Variants in TMEM178B observed in about 807,000 individuals in gnomAD.
The protein encoded by TMEM178B is transmembrane protein 178B.
Under a neutral mutation model 31.0 loss-of-function variants are expected in TMEM178B, and 5 were observed. That is an observed-to-expected ratio of 0.16 (90% CI 0.08 to 0.34). The LOEUF is 0.34. Ranked by LOEUF, TMEM178B falls within the 10% of genes least tolerant of loss-of-function variation. TMEM178B has a pLI of 1.00. For synonymous variants in TMEM178B, 164 were observed against 164.0 expected, an observed-to-expected ratio of 1.00 and a Z score of 0.00; for missense variants, 275 against 400.3, an observed-to-expected ratio of 0.69 and a Z score of 2.67.
intron 2 of TMEM178B, among the ~76,000 whole-genome samples, chr7:141,269,783 G>A (rs1040548733): frequency 3.3e-5 from 5 of 152,166 alleles, no homozygotes; most frequent in East Asian, 3.9e-4. Context: ...GTGACTTTGC[G>A]GCCAGGCAGG....
rs1586903910 is a variant in TMEM178B, at chr7:141,344,250, C to T, written c.497-93358C>T. Among the ~76,000 whole-genome samples the T allele has an allele frequency of 6.6e-6, 1 of 152,146 alleles. No homozygotes were observed. The highest frequency in any genetic ancestry group is 6.5e-5 in the Admixed American group (1 of 15,278). ...TCTATGCTATAAGGTTTTATGAGTC[C>T]CATTTTAAAGATCAGAACAGTGAGG... On this transcript the variant is annotated intron_variant, in intron 2 of 3. Coordinates refer to ENST00000565468, the MANE Select transcript of TMEM178B (RefSeq NM_001195278.2). This position sits in a 1 kb window ranked among gnomAD's most constrained non-coding sequence, Gnocchi z 4.1.
chr7:141,443,356 C>T lies in TMEM178B; in HGVS notation c.634+5611C>T, dbSNP rs571578812. On this transcript the variant is annotated intron_variant, in intron 3 of 3. Transcript: ENST00000565468. The stretch of plus-strand genomic sequence containing the variant: ...GATGCCCTTTTCTGTTCTAGGATCC[C>T]GTTCAGGACACCACACTGCACGTCA... Among the ~76,000 whole-genome samples the T allele has an allele frequency of 1.8e-4, 27 of 152,268 alleles. No individual in the cohort carries two copies. The South Asian group carries it at 4.1e-3, about 23-fold the overall frequency.
chr7:141,466,044 A>T (rs115666339), intron 3 of TMEM178B, among the ~76,000 whole-genome samples: 1 of 152,160 alleles, frequency 6.6e-6, no homozygotes, highest in Admixed American at 6.5e-5. Flanking sequence ...TATTAAAAAC[A>T]TATAAATCCT....
At chr7:141,242,408 A>G (rs1739766529) in intron 2 of TMEM178B, among the ~76,000 whole-genome samples, 1 of 151,622 alleles carries the variant, frequency 6.6e-6, no homozygotes. Flanking sequence ...CAAACAATAT[A>G]AACAGAGCAG....
chr7:141,307,991 C>T (rs1400408328), intron 2 of TMEM178B, among the ~76,000 whole-genome samples: 1 of 152,166 alleles, frequency 6.6e-6, no homozygotes, highest in Non-Finnish European at 1.5e-5. Context: ...AATAACTTGA[C>T]TTTGTAGAGC....
intron 1 of TMEM178B, among the ~76,000 whole-genome samples, chr7:141,109,089 A>G (rs755535107): frequency 1.3e-5 from 2 of 152,134 alleles, no homozygotes; most frequent in East Asian, 1.9e-4. Flanking sequence ...TGATTCAATT[A>G]TCTCCAACTG....
At chr7:141,164,468 G>A (rs888068035) in intron 1 of TMEM178B, among the ~76,000 whole-genome samples, 3 of 152,108 alleles carry the variant, frequency 2.0e-5, no homozygotes, top group Admixed American at 2.0e-4. Context: ...ACAGGACTTG[G>A]GTTTCTGTGT....
intron 2 of TMEM178B, among the ~76,000 whole-genome samples, chr7:141,284,678 G>C (rs1291325670): frequency 6.6e-6 from 1 of 152,142 alleles, no homozygotes; most frequent in African/African-American, 2.4e-5. Flanking sequence ...ATCTTAGGAT[G>C]GAACAATACA....
At chr7:141,253,793 C>A (rs1185603518) in intron 2 of TMEM178B, among the ~76,000 whole-genome samples, 1 of 151,838 alleles carries the variant, frequency 6.6e-6, no homozygotes, top group Non-Finnish European at 1.5e-5. Flanking sequence ...CTCAGGTGAT[C>A]CGCCTGCCTC....
intron 2 of TMEM178B, among the ~76,000 whole-genome samples, chr7:141,341,800 A>G (rs970433351): frequency 6.6e-6 from 1 of 152,072 alleles, no homozygotes; most frequent in Admixed American, 6.5e-5. Flanking sequence ...AAGCCCAGAA[A>G]TCTTCCCTGG....
intron 2 of TMEM178B, among the ~76,000 whole-genome samples, chr7:141,327,315 A>C (rs933049761): frequency 5.3e-5 from 8 of 152,114 alleles, no homozygotes; most frequent in African/African-American, 1.9e-4. Flanking sequence ...AAAATTAATA[A>C]ACTTATTTTT....
chr7:141,237,088 C>CTTTTG (rs1175770576), intron 2 of TMEM178B, among the ~76,000 whole-genome samples: 9 of 152,158 alleles, frequency 5.9e-5, no homozygotes, highest in African/African-American at 1.9e-4. Flanking sequence ...AATAGCATAT[C>CTTTTG]TTTTGTTTTG....
At chr7:141,367,224 G>A (rs1409076219) in intron 2 of TMEM178B, among the ~76,000 whole-genome samples, 1 of 151,688 alleles carries the variant, frequency 6.6e-6, no homozygotes, top group Non-Finnish European at 1.5e-5. Flanking sequence ...CCAATTATTT[G>A]ATAACAGGGT....
chr7:141,120,314 A>C (rs1173459995), intron 1 of TMEM178B, among the ~76,000 whole-genome samples: 1 of 152,246 alleles, frequency 6.6e-6, no homozygotes, highest in Admixed American at 6.5e-5. Context: ...AATGGATAGC[A>C]TTCATATCCA....
intron 2 of TMEM178B, among the ~76,000 whole-genome samples, chr7:141,383,251 G>A (rs1165032529): frequency 4.0e-5 from 6 of 151,252 alleles, no homozygotes; most frequent in Non-Finnish European, 8.8e-5. Context: ...TAAGTTCTAG[G>A]GTACATGTGC....
intron 1 of TMEM178B, among the ~76,000 whole-genome samples, chr7:141,197,413 T>C (rs1340397812): frequency 1.3e-5 from 2 of 152,208 alleles, no homozygotes; most frequent in African/African-American, 4.8e-5. Context: ...AAAGAGTGAA[T>C]AAGTTGCTCT....
chr7:141,209,725 G>C (rs1434675912), intron 1 of TMEM178B, among the ~76,000 whole-genome samples: 1 of 152,152 alleles, frequency 6.6e-6, no homozygotes, highest in Admixed American at 6.5e-5. Context: ...GCCTGCTGCT[G>C]GGGTGCAATC....
intron 2 of TMEM178B, among the ~76,000 whole-genome samples, chr7:141,359,637 G>T (rs1235659517): frequency 6.6e-6 from 1 of 152,064 alleles, no homozygotes; most frequent in Non-Finnish European, 1.5e-5. Flanking sequence ...TTGTGAATAG[G>T]GAGTGCATTT....
chr7:141,107,245 C>T (rs976297068), intron 1 of TMEM178B, among the ~76,000 whole-genome samples: 26 of 152,138 alleles, frequency 1.7e-4, no homozygotes, highest in Admixed American at 6.6e-5. Context: ...CACATAGGGC[C>T]ACTGTCAGGT....
Sources: allele counts gnomAD v4.1 joint callset (sites outside exome capture counted in the v4.1 genomes callset), GRCh38; gene constraint gnomAD v4.1.1; non-coding constraint Gnocchi (gnomAD v3.1); transcripts MANE v1.5; gene names NCBI Gene and HGNC (gene_info 2026-07-23, HGNC 2026-07-21).